Variants in GPATCH8 observed in about 807,000 individuals in gnomAD.
GPATCH8 encodes the protein G patch domain-containing protein 8.
A neutral mutation model predicts 118.3 loss-of-function variants in GPATCH8; 18 were observed. That is an observed-to-expected ratio of 0.15 (90% confidence interval 0.11 to 0.23). The LOEUF (loss-of-function observed/expected upper bound fraction) is 0.23. GPATCH8 is among the 10% of genes least tolerant of loss of function. The pLI is 1.00. For synonymous variants in GPATCH8, 659 were observed against 684.7 expected (o/e 0.96, Z 0.59); for missense variants, 1,631 against 1,873.8 (o/e 0.87, Z 2.39).
At chr17:44,427,041 A>G (rs1030418941) in intron 5 of GPATCH8, among the ~76,000 whole-genome samples, 7 of 152,178 alleles carry the variant, frequency 4.6e-5, no homozygotes, top group Admixed American at 1.3e-4. Flanking sequence ...ACACATATAC[A>G]TAAGTTGATA....
At chr17:44,454,833 T>C (rs2051265707) in intron 3 of GPATCH8, among the ~76,000 whole-genome samples, 1 of 152,244 alleles carries the variant, frequency 6.6e-6, no homozygotes, top group Non-Finnish European at 1.5e-5. Flanking sequence ...ATTTATTCCA[T>C]TAAAAAGGTC....
intron 6 of GPATCH8, among the ~76,000 whole-genome samples, chr17:44,416,000 T>C (rs2049665559): frequency 6.6e-6 from 1 of 152,344 alleles, no homozygotes; most frequent in South Asian, 2.1e-4. Context: ...AGGGGATTTT[T>C]TCAACAGTTT....
At chr17:44,428,577 T>G (rs187805362) in intron 5 of GPATCH8, among the ~76,000 whole-genome samples, 41 of 147,580 alleles carry the variant, frequency 2.8e-4, no homozygotes, top group Non-Finnish European at 5.1e-4. Context: ...TTGAGGTGGG[T>G]GGACAGCTTG....
chr17:44,452,910 G>A (rs1275702723), intron 3 of GPATCH8, among the ~76,000 whole-genome samples: 2 of 151,286 alleles, frequency 1.3e-5, no homozygotes, highest in African/African-American at 4.9e-5. Context: ...CTGCAACCTC[G>A]TCGACCTTCT....
At chr17:44,453,227 C>T (rs951491417) in intron 3 of GPATCH8, among the ~76,000 whole-genome samples, 1 of 152,138 alleles carries the variant, frequency 6.6e-6, no homozygotes, top group African/African-American at 2.4e-5. Flanking sequence ...AGCATTAAGG[C>T]CTTCCACATT....
At chr17:44,441,253 G>C (rs2050679143) in intron 3 of GPATCH8, among the ~76,000 whole-genome samples, 1 of 152,206 alleles carries the variant, frequency 6.6e-6, no homozygotes, top group South Asian at 2.1e-4. Flanking sequence ...TTTAGAAACA[G>C]AAGACATATG....
At chr17:44,411,409 C>T (rs2049426488) in intron 6 of GPATCH8, among the ~76,000 whole-genome samples, 1 of 152,162 alleles carries the variant, frequency 6.6e-6, no homozygotes, top group Non-Finnish European at 1.5e-5. Context: ...ATGCTTCTCT[C>T]TACCATCAAA....
Position 44,395,636 on chromosome 17 carries a change from G to C in GPATCH8, c.*1932C>G, listed in dbSNP as rs778119729. 25 of 454,108 alleles carry C rather than the reference G, an allele frequency of 5.5e-5. 1 individual carries two copies. Among genetic ancestry groups the C allele is most frequent in the South Asian group, 3.7e-4 (24 of 64,484 alleles). The allele number at this position is 454,108 out of a possible 1,614,324, so 28.1% of individuals were successfully genotyped here. A position where few individuals can be genotyped will look rare whatever the true frequency, so the allele number is the denominator to read the frequency against. ...AAGAAGTGATGCTTCTGAATCAGAT[G>C]AGTACTGAACAGGTAGGAGGGTGGG... On this transcript the variant is annotated 3_prime_UTR_variant, in exon 8 of 8. Coordinates refer to ENST00000591680, the MANE Select transcript of GPATCH8 (RefSeq NM_001002909.4).
chr17:44,421,978 G>T (rs2049922133), intron 6 of GPATCH8, among the ~76,000 whole-genome samples: 1 of 151,928 alleles, frequency 6.6e-6, no homozygotes, highest in African/African-American at 2.4e-5. Context: ...GTCCATCTCA[G>T]CCTCCCAAAG....
chr17:44,443,398 T>C (rs1471712896), intron 3 of GPATCH8, among the ~76,000 whole-genome samples: 1 of 152,220 alleles, frequency 6.6e-6, no homozygotes, highest in East Asian at 1.9e-4. Context: ...AATGAGTCTT[T>C]AGGTGGCATA....
chr17:44,414,005 T>A (rs5028549), intron 6 of GPATCH8, among the ~76,000 whole-genome samples: 4 of 150,226 alleles, frequency 2.7e-5, no homozygotes, highest in Non-Finnish European at 5.9e-5. Flanking sequence ...TCAGCAAAAC[T>A]CCTTAAAAGT....
chr17:44,417,616 T>G (rs908680808), intron 6 of GPATCH8, among the ~76,000 whole-genome samples: 7 of 152,184 alleles, frequency 4.6e-5, no homozygotes, highest in Non-Finnish European at 1.0e-4. Context: ...CCAACACTAT[T>G]AGCAAGGAGG....
At chr17:44,417,963 A>T (rs982232612) in intron 6 of GPATCH8, among the ~76,000 whole-genome samples, 1 of 152,224 alleles carries the variant, frequency 6.6e-6, no homozygotes, top group Admixed American at 6.5e-5. Context: ...AACTGAAATT[A>T]AAAAGGGAAA....
At chr17:44,487,531 T>C (rs148413855) in intron 1 of GPATCH8, among the ~76,000 whole-genome samples, 237 of 152,332 alleles carry the variant, frequency 1.6e-3, no homozygotes, top group African/African-American at 5.4e-3. Context: ...AGGAGTATGA[T>C]TGCTGGATTG....
chr17:44,499,264 T>C (rs1969886946), intron 1 of GPATCH8, among the ~76,000 whole-genome samples: 4 of 152,112 alleles, frequency 2.6e-5, no homozygotes, highest in African/African-American at 9.7e-5. Flanking sequence ...GTCGGGAGTT[T>C]GAGACCAGCC....
Position 44,464,476 on chromosome 17 carries a change from A to C in GPATCH8, c.189T>G (p.Leu63=), listed in dbSNP as rs2051682978. 1.3e-6 allele frequency: 2 copies of C among 1,561,638 alleles called. No homozygotes were observed. Among genetic ancestry groups the C allele is most frequent in the African/African-American group, 2.7e-5 (2 of 73,970 alleles). The change falls in exon 3 of 8, where the codon CTT becomes CTG. Residue 63 remains leucine (L), a synonymous_variant. Transcript: ENST00000591680. The part of the protein sequence containing the change: ...WKLGQGLGKS[L]QGRTDPIPIV... The stretch of plus-strand genomic sequence containing the variant: ...CTGGTAAATGTAAACACTTACCCTG[A>C]AGAGATTTTCCCAATCCCTGGCCCA...
At chr17:44,483,209 A>ATATATG (rs1968473390) in intron 1 of GPATCH8, among the ~76,000 whole-genome samples, 2 of 90,720 alleles carry the variant, frequency 2.2e-5, no homozygotes, top group African/African-American at 7.9e-5. Flanking sequence ...ATATATATAT[A>ATATATG]TATATATACA....
At chr17:44,475,216 TAA>T (rs1372021156) in intron 1 of GPATCH8, among the ~76,000 whole-genome samples, 1 of 150,794 alleles carries the variant, frequency 6.6e-6, no homozygotes, top group Admixed American at 6.6e-5. Context: ...CCATCTCCAC[TAA>T]AATTACAAAA....
chr17:44,474,945 G>T, intron 1 of GPATCH8, 42 bp from the exon 2 acceptor site: 1 of 952,180 alleles, frequency 1.1e-6, no homozygotes, highest in Non-Finnish European at 1.7e-6. Context: ...AAGCAGTTAA[G>T]TGTCAAATCT....
Sources: gnomAD v4.1 joint callset for allele counts (sites outside exome capture counted in the v4.1 genomes callset) on GRCh38, gnomAD v4.1.1 for gene constraint, MANE v1.5 for transcripts, NCBI Gene and HGNC (gene_info 2026-07-23, HGNC 2026-07-21) for gene names.